Variants in REST observed in about 807,000 individuals in gnomAD.
REST encodes the protein RE1 silencing transcription factor.
In REST, 1 loss-of-function variant was observed where a neutral mutation model predicts 30.4. The observed-to-expected ratio is 0.03, with a 90% CI of 0.01 to 0.16. The LOEUF (loss-of-function observed/expected upper bound fraction) is 0.16, where lower values mean the gene tolerates loss of function less well. Among genes scored for constraint, REST ranks in the 10% least tolerant of loss-of-function variants. The pLI, the probability that REST is intolerant of heterozygous loss-of-function variation, is 1.00. For synonymous variants in REST, 504 were observed against 451.1 expected, an observed-to-expected ratio of 1.12 and a Z score of -1.49; for missense variants, 1,259 against 1,329.5, an observed-to-expected ratio of 0.95 and a Z score of 0.82.
chr4:56,912,509 G>C (rs1719979777), intron 2 of REST, among the ~76,000 whole-genome samples: 1 of 150,856 alleles, frequency 6.6e-6, no homozygotes, highest in Non-Finnish European at 1.5e-5. Context: ...ACCCACCACC[G>C]TGCCTGGCTA....
chr4:56,922,854 G>A lies in REST; in HGVS notation c.982+2984G>A, dbSNP rs191115140. ...ATTTAAATGCTTGATAATCTTTCTC[G>A]CAAATGATATGCCTCATTTAAAGTC... On this transcript the variant is annotated intron_variant, in intron 3 of 3. Coordinates refer to ENST00000309042, the MANE Select transcript of REST (RefSeq NM_005612.5). Among the ~76,000 whole-genome samples, 469 of 152,074 alleles carry A rather than the reference G, an allele frequency of 3.1e-3. 2 individuals are homozygous for A. Among genetic ancestry groups the A allele is most frequent in the African/African-American group, 0.011 (439 of 41,486 alleles).
At chr4:56,915,632 T>G (rs1230617597) in intron 2 of REST, among the ~76,000 whole-genome samples, 1 of 152,170 alleles carries the variant, frequency 6.6e-6, no homozygotes, top group Non-Finnish European at 1.5e-5. Context: ...ATCTCTGGTA[T>G]TAAATGGATA....
Position 56,932,166 on chromosome 4 carries a change from A to T in REST, c.*14A>T, listed in dbSNP as rs760840538. 2 of 1,586,574 alleles carry T rather than the reference A, an allele frequency of 1.3e-6. No individual in the cohort carries two copies. Among genetic ancestry groups the T allele is most frequent in the Admixed American group, 1.8e-5 (1 of 55,398 alleles). On this transcript the variant is annotated 3_prime_UTR_variant, in exon 4 of 4. Transcript: ENST00000309042. ...GGGCAGGAGTAATGAAACTTTGAACAAGGTTTCAGTTCTTAGTTTGTAAGG... is the reference window on the plus strand; with the variant it reads ...GGGCAGGAGTAATGAAACTTTGAACTAGGTTTCAGTTCTTAGTTTGTAAGG...
chr4:56,918,945 ACAGTCAG>A (rs1445609458), intron 2 of REST, among the ~76,000 whole-genome samples: 1 of 148,546 alleles, frequency 6.7e-6, no homozygotes, highest in Admixed American at 6.7e-5. Flanking sequence ...TGTTGGGGTT[ACAGTCAG>A]GGGCCACAAT....
intron 3 of REST, among the ~76,000 whole-genome samples, chr4:56,923,405 C>G (rs1418969644): frequency 6.6e-6 from 1 of 152,154 alleles, no homozygotes; most frequent in Non-Finnish European, 1.5e-5. Flanking sequence ...GTCGCTAGGT[C>G]TACTGGCACA....
chr4:56,914,924 T>TTTC (rs1560444177), intron 2 of REST, among the ~76,000 whole-genome samples: 1 of 26,788 alleles, frequency 3.7e-5, no homozygotes, highest in East Asian at 1.4e-3. Context: ...TTTTTTAACT[T>TTTC]TTTTTTTTTT....
Position 56,931,015 on chromosome 4 carries a change from T to C in REST, c.2157T>C (p.Ala719=), listed in dbSNP as rs971204630. 9 of 1,614,216 alleles carry C rather than the reference T, an allele frequency of 5.6e-6. No homozygotes were observed. The highest frequency in any genetic ancestry group is 2.2e-5 in the East Asian group (1 of 44,876). ...TGGAGGTTGCCCAGGTAGAATCTGCTCCCATGCAGGTGGTCCAGAAGGAGC... is the reference window on the plus strand; with the variant it reads ...TGGAGGTTGCCCAGGTAGAATCTGCCCCCATGCAGGTGGTCCAGAAGGAGC... The part of the protein sequence containing the change: ...AQMEVAQVES[A]PMQVVQKEPV... Residue 719 remains alanine (A), a synonymous_variant, in exon 4 of 4, where the codon GCT becomes GCC. Transcript: ENST00000309042.
chr4:56,920,440 A>C (rs1720395987), intron 3 of REST, among the ~76,000 whole-genome samples: 1 of 151,512 alleles, frequency 6.6e-6, no homozygotes, highest in African/African-American at 2.4e-5. Flanking sequence ...CACTCCAGTG[A>C]CTGAAACAAT....
At position 56,931,043 on chromosome 4, in the gene REST, G is replaced by A. The variant is rs1255538537; in HGVS notation, c.2185G>A (p.Val729Ile). 6.2e-7 allele frequency: 1 copy of A among 1,613,924 alleles called. No homozygotes were observed. The highest frequency in any genetic ancestry group is 8.5e-7 in the Non-Finnish European group (1 of 1,179,906). The change falls in exon 4 of 4, where the codon GTT (valine) becomes ATT (isoleucine). Residue 729 changes from valine (V) to isoleucine (I), a missense_variant. Physicochemically the swap from Val to Ile is conservative, Grantham distance 29. Transcript: ENST00000309042. ...CATGCAGGTGGTCCAGAAGGAGCCT[G>A]TTCAGATGGAGCTGTCTCCTCCCAT... ...APMQVVQKEP[V>I]QMELSPPMEV...
At position 56,919,765 on chromosome 4, in the gene REST, T is replaced by C. The variant is rs760445285; in HGVS notation, c.899-22T>C. On this transcript the variant is annotated intron_variant, in intron 2 of 3. Transcript: ENST00000309042. ...GCTATTTCGTGACATTTAAACACTC[T>C]TATATTATTGAAATTTTGCAGGAGA... 3.3e-5 allele frequency: 49 copies of C among 1,500,862 alleles called. No homozygotes were observed. The South Asian group carries it at 5.2e-4, about 16-fold the overall frequency. 93.0% of individuals were successfully genotyped at this position (1,500,862 alleles called of 1,614,324 possible).
intron 2 of REST, among the ~76,000 whole-genome samples, chr4:56,919,422 G>A (rs1720349743): frequency 6.6e-6 from 1 of 151,882 alleles, no homozygotes; most frequent in Admixed American, 6.6e-5. Flanking sequence ...AGACAGTTCA[G>A]GTAGATTTTT....
In REST at chr4:56,911,261, A is replaced by G; in HGVS notation, c.623A>G (p.Glu208Gly). Residue 208 changes from glutamate (E) to glycine (G), a missense_variant, in exon 2 of 4, where the codon GAG becomes GGG. Physicochemically the swap from Glu to Gly is moderately conservative, Grantham distance 98 (BLOSUM62 -2). This residue lies in a region of REST where 249 missense variants were observed against 251.5 expected (regional missense o/e 0.99). Transcript: ENST00000309042. ...ARESGSSTAEEGDFSKGPIRC... is the reference protein window; with the variant it reads ...ARESGSSTAEGGDFSKGPIRC... The stretch of plus-strand genomic sequence containing the variant: ...GAATCTGGCTCTTCCACTGCAGAAG[A>G]GGGAGATTTCTCCAAGGGCCCCATT... 6.2e-7 allele frequency: 1 copy of G among 1,614,154 alleles called. No homozygotes were observed. The highest frequency in any genetic ancestry group is 8.5e-7 in the Non-Finnish European group (1 of 1,180,024).
In REST at chr4:56,919,862, C is replaced by A; in HGVS notation, c.974C>A (p.Thr325Asn). 6.4e-7 allele frequency: 1 copy of A among 1,572,656 alleles called. No individual in the cohort carries two copies. Among genetic ancestry groups the A allele is most frequent in the Non-Finnish European group, 8.7e-7 (1 of 1,151,580 alleles). Residue 325 changes from threonine (T) to asparagine (N), a missense_variant, in exon 3 of 4, where the codon ACT (threonine) becomes AAT (asparagine). This residue lies in a region of REST where 125 missense variants were observed against 255.4 expected (regional missense o/e 0.49). Coordinates refer to ENST00000309042, the MANE Select transcript of REST (RefSeq NM_005612.5). ...ACTCATCTAACTAGACATATGCGTA[C>A]TCATTCAGGTTGGTAAGAAATTGGA... ...QKTHLTRHMRTHSGEKPFKCD... is the reference protein window; with the variant it reads ...QKTHLTRHMRNHSGEKPFKCD...
chr4:56,925,653 C>A (rs1417259552), intron 3 of REST, among the ~76,000 whole-genome samples: 5 of 152,152 alleles, frequency 3.3e-5, no homozygotes, highest in African/African-American at 1.2e-4. Context: ...GAACCTGTTA[C>A]TAGAATTGGG....
chr4:56,926,967 A>G (rs1012290318), intron 3 of REST, among the ~76,000 whole-genome samples: 1 of 152,100 alleles, frequency 6.6e-6, no homozygotes, highest in East Asian at 2.0e-4. Context: ...TTAGTGGCAC[A>G]TGCCTGTAAT....
Position 56,931,296 on chromosome 4 carries a change from AG to A in REST, c.2439del (p.Lys813AsnfsTer30). The A allele has an allele frequency of 6.2e-7, 1 of 1,614,262 alleles. No individual in the cohort carries two copies. Among genetic ancestry groups the A allele is most frequent in the Non-Finnish European group, 8.5e-7 (1 of 1,180,052 alleles). On this transcript the variant is annotated frameshift_variant, in exon 4 of 4. Coordinates refer to ENST00000309042, the MANE Select transcript of REST (RefSeq NM_005612.5). LOFTEE classifies it low-confidence loss of function (END_TRUNC). ...CTTCACATGGAGCCAATTTCCAAAA[AG>A]CCTCCTCTCCGAAAAGATAAAAAGG... Reference protein sequence around the residue: ...PPLHMEPISKKPPLRKDKKEK... With the variant: ...PPLHMEPISKXPPLRKDKKEK...
chr4:56,917,364 G>C (rs1452921774), intron 2 of REST, among the ~76,000 whole-genome samples: 1 of 152,130 alleles, frequency 6.6e-6, no homozygotes, highest in African/African-American at 2.4e-5. Flanking sequence ...TCGCTCTGTT[G>C]CCCTGTGTGG....
At chr4:56,916,979 T>C (rs1344648001) in intron 2 of REST, among the ~76,000 whole-genome samples, 1 of 152,212 alleles carries the variant, frequency 6.6e-6, no homozygotes, top group Non-Finnish European at 1.5e-5. Context: ...CCACCAGCAA[T>C]GTGTGAGGGT....
intron 2 of REST, among the ~76,000 whole-genome samples, chr4:56,916,609 C>T (rs1720209103): frequency 6.6e-6 from 1 of 152,084 alleles, no homozygotes. Flanking sequence ...TGCACTCCAG[C>T]CTGGGCGACA....
Sources: gnomAD v4.1 joint callset for allele counts (sites outside exome capture counted in the v4.1 genomes callset) on GRCh38, gnomAD v4.1.1 for gene constraint, gnomAD v4.1.1 regional missense constraint, MANE v1.5 for transcripts, NCBI Gene and HGNC (gene_info 2026-07-23, HGNC 2026-07-21) for gene names.